Variants in MCCC2 observed in about 807,000 individuals in gnomAD.
The protein encoded by MCCC2 is methylcrotonoyl-CoA carboxylase beta chain, mitochondrial.
Under a neutral mutation model 77.2 loss-of-function variants are expected in MCCC2, and 52 were observed. That is an observed-to-expected ratio of 0.67 (90% CI 0.54 to 0.85). The LOEUF is 0.85. Among genes scored for constraint, MCCC2 ranks in the 40% least tolerant of loss-of-function variants. The pLI, the probability that MCCC2 is intolerant of heterozygous loss-of-function variation, is 0.00. For missense variants in MCCC2, 682 were observed against 703.2 expected (o/e 0.97, Z 0.34); for synonymous variants, 253 against 248.4 (o/e 1.02, Z -0.18).
chr5:71,599,385 C>T (rs1248936285), intron 3 of MCCC2, among the ~76,000 whole-genome samples: 1 of 151,820 alleles, frequency 6.6e-6, no homozygotes, highest in Non-Finnish European at 1.5e-5. Flanking sequence ...ACAACAACAA[C>T]AACAAAAAAG....
Position 71,658,485 on chromosome 5 carries a change from G to A in MCCC2, c.*1625G>A, listed in dbSNP as rs1747643066. ...TCATTTTCCTATAAACATTAATATT[G>A]TCCTCCTGCTAGAATGTAAGCTCCG... On this transcript the variant is annotated 3_prime_UTR_variant, in exon 17 of 17. Coordinates refer to ENST00000340941, the MANE Select transcript of MCCC2 (RefSeq NM_022132.5). The A allele has an allele frequency of 6.6e-6, 1 of 151,968 alleles. No individual in the cohort carries two copies. The highest frequency in any genetic ancestry group is 1.9e-4 in the East Asian group (1 of 5,180). The allele number at this position is 151,968 out of a possible 1,614,324, so 9.4% of individuals were successfully genotyped here.
At chr5:71,587,590 C>G (rs759269415) in intron 1 of MCCC2, 36 bp downstream of exon 1, 1 of 1,528,824 alleles carries the variant, frequency 6.5e-7, no homozygotes, top group South Asian at 1.2e-5. Flanking sequence ...GCCGCCGGTG[C>G]CAGGCTAGGA....
At position 71,592,934 on chromosome 5, in the gene MCCC2, C is replaced by T; in HGVS notation, c.138C>T (p.Tyr46=). The change falls in exon 2 of 17, where the codon TAC becomes TAT. Residue 46 remains tyrosine, a synonymous_variant. Coordinates refer to ENST00000340941, the MANE Select transcript of MCCC2 (RefSeq NM_022132.5). ...CTCTATTTCTGTTTTAGGAGAACTA[C>T]AAGCAGATGAAAGCACTAGTAAATC... ...DLGSALYQEN[Y]KQMKALVNQL... is the part of the protein sequence containing the mutation. The T allele has an allele frequency of 6.2e-7, 1 of 1,610,320 alleles. No homozygotes were observed. Among genetic ancestry groups the T allele is most frequent in the Non-Finnish European group, 8.5e-7 (1 of 1,177,688 alleles).
chr5:71,611,496 A>G (rs1025181939), intron 6 of MCCC2, among the ~76,000 whole-genome samples: 7 of 152,250 alleles, frequency 4.6e-5, no homozygotes, highest in African/African-American at 1.7e-4. Flanking sequence ...GAGATTAATA[A>G]TACAGTTTTT....
intron 10 of MCCC2, chr5:71,636,152 A>G (rs1227012855): frequency 2.4e-6 from 1 of 410,494 alleles, no homozygotes; most frequent in Non-Finnish European, 4.9e-6. Context: ...TTCCTATAAT[A>G]GTACTTGGCA....
intron 7 of MCCC2, among the ~76,000 whole-genome samples, chr5:71,631,442 G>T (rs1746707673): frequency 6.6e-6 from 1 of 152,104 alleles, no homozygotes; most frequent in Non-Finnish European, 1.5e-5. Context: ...GAGATCCCAG[G>T]CAGTGGGAGG....
At chr5:71,647,257 G>A (rs189734412) in intron 13 of MCCC2, among the ~76,000 whole-genome samples, 167 of 152,332 alleles carry the variant, frequency 1.1e-3, no homozygotes, top group African/African-American at 3.4e-3. Flanking sequence ...AGAAGGAAGA[G>A]TCAGGCTCTT....
intron 6 of MCCC2, among the ~76,000 whole-genome samples, chr5:71,622,118 C>T (rs277987): frequency 0.36 from 53,951 of 151,908 alleles, 9,920 homozygotes; most frequent in East Asian, 0.52. Context: ...ATTCATCTTA[C>T]ATCCTTTCAG....
chr5:71,618,488 TCTTCCTTC>T (rs60010762), intron 6 of MCCC2, among the ~76,000 whole-genome samples: 22,314 of 96,484 alleles, frequency 0.23, 2,257 homozygotes, highest in Non-Finnish European at 0.25. Context: ...CTTCTTTCCT[TCTTCCTTC>T]CTTCCTTCCT....
At chr5:71,602,857 G>T in intron 5 of MCCC2, 5 of 563,824 alleles carry the variant, frequency 8.9e-6, no homozygotes, top group East Asian at 3.4e-5. Flanking sequence ...ACGCATGCCA[G>T]TTTTTTTCTC....
intron 10 of MCCC2, 44 bp downstream of exon 10, chr5:71,635,290 C>A: frequency 6.6e-7 from 1 of 1,524,892 alleles, no homozygotes; most frequent in South Asian, 1.1e-5. Context: ...AGCTGTGAGT[C>A]TCTTTGTATG....
At chr5:71,591,809 A>G (rs764974893) in intron 1 of MCCC2, among the ~76,000 whole-genome samples, 14 of 152,136 alleles carry the variant, frequency 9.2e-5, no homozygotes, top group Non-Finnish European at 1.8e-4. Flanking sequence ...CTGGAGTACA[A>G]TGGCACGATC....
intron 7 of MCCC2, among the ~76,000 whole-genome samples, chr5:71,627,213 A>G (rs1354281901): frequency 6.6e-6 from 1 of 152,224 alleles, no homozygotes; most frequent in Non-Finnish European, 1.5e-5. Flanking sequence ...TTGTATGTAT[A>G]CACTGTATTT....
chr5:71,656,550 C>T (rs1747583170), intron 16 of MCCC2, among the ~76,000 whole-genome samples, 193 bp from the exon 17 acceptor site: 1 of 152,140 alleles, frequency 6.6e-6, no homozygotes, highest in Non-Finnish European at 1.5e-5. Flanking sequence ...GGATGAAGGT[C>T]ATATCATTTT....
In MCCC2 at chr5:71,633,484, A is replaced by G. The variant is rs1746813883; in HGVS notation, c.803+1299A>G. On this transcript the variant is annotated intron_variant, in intron 8 of 16. Coordinates refer to ENST00000340941, the MANE Select transcript of MCCC2 (RefSeq NM_022132.5). ...CACAGCATCTACTACATATAACAGT[A>G]ATAACTCTATTACTGTTATTCATAA... Among the ~76,000 whole-genome samples, 7 of 152,154 alleles carry G rather than the reference A, an allele frequency of 4.6e-5. No individual in the cohort carries two copies. The South Asian group carries it at 1.5e-3, about 32-fold the overall frequency.
At chr5:71,652,621 G>C in intron 15 of MCCC2, 48 bp from the exon 16 acceptor site, 1 of 1,410,010 alleles carries the variant, frequency 7.1e-7, no homozygotes, top group Non-Finnish European at 1.0e-6. Flanking sequence ...TCTAAACAGG[G>C]CCAGTTGTTC....
chr5:71,633,116 TATATA>T (rs1746787545), intron 8 of MCCC2, among the ~76,000 whole-genome samples: 1 of 107,450 alleles, frequency 9.3e-6, no homozygotes, highest in Non-Finnish European at 2.0e-5. Flanking sequence ...TATATATATA[TATATA>T]TATATATATA....
In MCCC2 at chr5:71,621,790, CA is replaced by C. The variant is rs796529348; in HGVS notation, c.625-4839del. On this transcript the variant is annotated intron_variant, in intron 6 of 16. Coordinates refer to ENST00000340941, the MANE Select transcript of MCCC2 (RefSeq NM_022132.5). ...GGAATGTGAGGATGGTTAATGGATA[CA>C]AAAAAAAAAAGAAAGAATGAGTAAG... Among the ~76,000 whole-genome samples the C allele has an allele frequency of 1.4e-3, 182 of 127,696 alleles. 1 individual carries two copies. The highest frequency in any genetic ancestry group is 1.6e-3 in the Non-Finnish European group (93 of 58,902). 83.8% of individuals were successfully genotyped at this position (127,696 alleles called of 152,430 possible).
intron 1 of MCCC2, among the ~76,000 whole-genome samples, chr5:71,588,074 G>C (rs188565658): frequency 1.8e-4 from 27 of 152,190 alleles, no homozygotes; most frequent in African/African-American, 6.3e-4. Flanking sequence ...TTCGAGAACA[G>C]CCTGGCCAAC....
Sources: gnomAD v4.1 joint callset for allele counts (sites outside exome capture counted in the v4.1 genomes callset) on GRCh38, gnomAD v4.1.1 for gene constraint, MANE v1.5 for transcripts, NCBI Gene and HGNC (gene_info 2026-07-23, HGNC 2026-07-21) for gene names.